NR1H4: variants seen among roughly 807,000 people sequenced by gnomAD.
NR1H4 encodes the protein bile acid receptor.
In NR1H4, 23 loss-of-function variants were observed where a neutral mutation model predicts 58.5. That is an observed-to-expected ratio of 0.39 (90% confidence interval 0.28 to 0.56). NR1H4 has a LOEUF of 0.56. NR1H4 is among the 20% of genes least tolerant of loss of function. The pLI, the probability that NR1H4 is intolerant of heterozygous loss-of-function variation, is 0.58. For missense variants in NR1H4, 487 were observed against 576.9 expected (o/e 0.84, Z 1.60); for synonymous variants, 214 against 198.0 (o/e 1.08, Z -0.68).
At chr12:100,559,580 T>A (rs1159705514) in intron 9 of NR1H4, among the ~76,000 whole-genome samples, 1 of 152,170 alleles carries the variant, frequency 6.6e-6, no homozygotes, top group Non-Finnish European at 1.5e-5. Context: ...CCACCGGCGC[T>A]GCGCTGGATT....
chr12:100,481,079 G>A lies in NR1H4; in HGVS notation c.-190+7020G>A, dbSNP rs139223459. On this transcript the variant is annotated intron_variant, in intron 1 of 10. Transcript: ENST00000392986. ...CCCAACCTCACTTCCACCACATTCT[G>A]TTGGTCAACGAATTTATTAGACCAG... Among the ~76,000 whole-genome samples, 15 of 152,286 alleles carry A rather than the reference G, an allele frequency of 9.8e-5. No individual in the cohort carries two copies. The East Asian group carries it at 2.7e-3, about 27-fold the overall frequency.
intron 1 of NR1H4, among the ~76,000 whole-genome samples, chr12:100,476,678 T>C (rs1953278273): frequency 6.6e-6 from 1 of 152,172 alleles, no homozygotes; most frequent in South Asian, 2.1e-4. Flanking sequence ...GCTCTCAGTC[T>C]CATTTTTATC....
Position 100,511,097 on chromosome 12 carries a change from A to G in NR1H4, c.399A>G (p.Arg133=), listed in dbSNP as rs769153921. The G allele has an allele frequency of 6.2e-6, 10 of 1,614,154 alleles. No homozygotes were observed. The highest frequency in any genetic ancestry group is 8.5e-6 in the Non-Finnish European group (10 of 1,180,050). Residue 133 remains arginine (R), a synonymous_variant, in exon 4 of 11, where the codon AGA becomes AGG. Coordinates refer to ENST00000392986, the MANE Select transcript of NR1H4 (RefSeq NM_001206979.2). ...AGCTGTGTGTTGTTTGTGGAGACAG[A>G]GCCTCTGGATACCACTATAATGCAC... is the stretch of plus-strand genomic sequence containing the variant. ...GDELCVVCGD[R]ASGYHYNALT...
At chr12:100,512,735 GGGAACACC>G (rs1954154509) in intron 4 of NR1H4, among the ~76,000 whole-genome samples, 1 of 152,018 alleles carries the variant, frequency 6.6e-6, no homozygotes, top group African/African-American at 2.4e-5. Context: ...CAAATATTTT[GGGAACACC>G]TACCATGGGT....
chr12:100,484,019 G>T (rs1212369716), intron 1 of NR1H4, among the ~76,000 whole-genome samples: 1 of 149,810 alleles, frequency 6.7e-6, no homozygotes, highest in Non-Finnish European at 1.5e-5. Context: ...TGTATTTCCA[G>T]CCTTTGGGCA....
In NR1H4 at chr12:100,474,739, G is replaced by T. The variant is rs539563694; in HGVS notation, c.-190+680G>T. ...TGTCTCCTTATTGACAGAGTGAATG[G>T]GGCAACTGTGGAGCCTGACTTACTT... On this transcript the variant is annotated intron_variant, in intron 1 of 10. Coordinates refer to ENST00000392986, the MANE Select transcript of NR1H4 (RefSeq NM_001206979.2). 4.7e-4 allele frequency among the ~76,000 whole-genome samples: 72 copies of T among 152,188 alleles called. No homozygotes were observed. In the South Asian group the frequency reaches 0.015, roughly 31 times the overall value.
At chr12:100,500,276 GA>G (rs1450570523) in intron 3 of NR1H4, among the ~76,000 whole-genome samples, 2 of 151,756 alleles carry the variant, frequency 1.3e-5, no homozygotes, top group African/African-American at 4.8e-5. Flanking sequence ...ATAGTTCTCA[GA>G]AAAAAAACAT....
At chr12:100,506,002 AACACACACACACACACAC>A (rs398020830) in intron 3 of NR1H4, among the ~76,000 whole-genome samples, 9 of 141,024 alleles carry the variant, frequency 6.4e-5, no homozygotes, top group Admixed American at 2.9e-4. Flanking sequence ...AAGTGTTTAT[AACACACACACACACACAC>A]ACACACACAC....
intron 4 of NR1H4, among the ~76,000 whole-genome samples, chr12:100,515,295 C>T (rs1253562630): frequency 1.3e-5 from 2 of 151,858 alleles, no homozygotes; most frequent in Non-Finnish European, 1.5e-5. Context: ...CTCAGCCTCC[C>T]CGAGTAGCTG....
In NR1H4 at chr12:100,561,971, CT is replaced by C; in HGVS notation, c.1167del (p.Thr390GlnfsTer13). The C allele has an allele frequency of 1.3e-6, 2 of 1,556,040 alleles. No homozygotes were observed. The highest frequency in any genetic ancestry group is 1.8e-6 in the Non-Finnish European group (2 of 1,127,472). On this transcript the variant is annotated frameshift_variant, in exon 10 of 11. Coordinates refer to ENST00000392986, the MANE Select transcript of NR1H4 (RefSeq NM_001206979.2). LOFTEE classifies it high-confidence loss of function. ...AATGACTCAAGAGGAGTATGCTCTG[CT>C]TACAGCAATTGTTATCCTGTCTCCA... is the stretch of plus-strand genomic sequence containing the variant. Reference protein sequence around the residue: ...LKMTQEEYALLTAIVILSPDR... With the variant: ...LKMTQEEYALXTAIVILSPDR...
chr12:100,536,667 A>G (rs1566465124), intron 7 of NR1H4, 57 bp downstream of exon 7: 2 of 970,340 alleles, frequency 2.1e-6, no homozygotes, highest in Admixed American at 1.8e-5. Context: ...TGGAGTTTTT[A>G]TTGCCTTGGA....
At chr12:100,556,478 A>AC (rs1955329690) in intron 9 of NR1H4, among the ~76,000 whole-genome samples, 2 of 151,672 alleles carry the variant, frequency 1.3e-5, no homozygotes, top group African/African-American at 2.4e-5. Context: ...AAAGAAAAAA[A>AC]AAACAAAAAA....
chr12:100,539,150 G>A (rs986857177), intron 8 of NR1H4, among the ~76,000 whole-genome samples: 3 of 152,118 alleles, frequency 2.0e-5, no homozygotes, highest in African/African-American at 2.4e-5. Flanking sequence ...GCCTAGCCTC[G>A]TTCCTGAGGG....
chr12:100,477,791 G>A (rs908102297), intron 1 of NR1H4, among the ~76,000 whole-genome samples: 3 of 152,154 alleles, frequency 2.0e-5, no homozygotes, highest in African/African-American at 7.2e-5. Flanking sequence ...AAAGCTGGTT[G>A]CCATCCAGAA....
chr12:100,556,482 C>CA lies in NR1H4; in HGVS notation c.1079-5397dup, dbSNP rs1241034628. 8.9e-4 allele frequency among the ~76,000 whole-genome samples: 128 copies of CA among 143,458 alleles called. 2 individuals are homozygous for CA. The highest frequency in any genetic ancestry group is 1.7e-3 in the Non-Finnish European group (108 of 65,086). 94.1% of individuals were successfully genotyped at this position (143,458 alleles called of 152,430 possible). ...AACTCCGTCTCAAAGAAAAAAAAAA[C>CA]AAAAAACAAAAAACAACTCTCTTTT... On this transcript the variant is annotated intron_variant, in intron 9 of 10. Transcript: ENST00000392986.
At chr12:100,562,697 G>A (rs1262723404) in intron 10 of NR1H4, among the ~76,000 whole-genome samples, 2 of 151,922 alleles carry the variant, frequency 1.3e-5, no homozygotes, top group East Asian at 3.9e-4. Context: ...TTTTTTGGTT[G>A]TTGAAATGAT....
intron 4 of NR1H4, among the ~76,000 whole-genome samples, chr12:100,528,003 C>T (rs1954604566): frequency 1.3e-5 from 2 of 152,064 alleles, no homozygotes; most frequent in African/African-American, 4.8e-5. Context: ...CGGAGACAGA[C>T]CTAGAAGCTG....
At chr12:100,533,871 C>T (rs1954750484) in intron 5 of NR1H4, among the ~76,000 whole-genome samples, 3 of 151,028 alleles carry the variant, frequency 2.0e-5, no homozygotes, top group Non-Finnish European at 2.9e-5. Flanking sequence ...GATTGTTTTA[C>T]ATTATTTTTA....
chr12:100,499,931 T>C (rs1274221431), intron 3 of NR1H4: 1 of 456,064 alleles, frequency 2.2e-6, no homozygotes, highest in South Asian at 1.5e-5. Flanking sequence ...CACAAGTTAC[T>C]TGCCTTATTT....
Sources: gnomAD v4.1 joint callset for allele counts (sites outside exome capture counted in the v4.1 genomes callset) on GRCh38, gnomAD v4.1.1 for gene constraint, MANE v1.5 for transcripts, NCBI Gene and HGNC (gene_info 2026-07-23, HGNC 2026-07-21) for gene names.